Variants in LTBP1 observed in about 807,000 individuals in gnomAD.
LTBP1 encodes latent transforming growth factor beta binding protein 1.
In LTBP1, 129 loss-of-function variants were observed where a neutral mutation model predicts 207.6. That is an observed-to-expected ratio of 0.62 (90% CI 0.54 to 0.72). LTBP1 has a LOEUF of 0.72. Among genes scored for constraint, LTBP1 ranks in the 30% least tolerant of loss-of-function variants. The pLI is 0.00. For synonymous variants in LTBP1, 963 were observed against 833.7 expected, an observed-to-expected ratio of 1.16 and a Z score of -2.67; for missense variants, 2,281 against 2,217.2, an observed-to-expected ratio of 1.03 and a Z score of -0.58.
At position 33,170,448 on chromosome 2, in the gene LTBP1, G is replaced by A. The variant is rs866541870; in HGVS notation, c.1202-16408G>A. 2.7e-3 allele frequency among the ~76,000 whole-genome samples: 415 copies of A among 152,310 alleles called. 2 individuals are homozygous for A. The highest frequency in any genetic ancestry group is 0.024 in the Middle Eastern group (7 of 294). On this transcript the variant is annotated intron_variant, in intron 5 of 33. Transcript: ENST00000404816. Reference sequence around the variant, plus strand: ...AAACTGCAAGGCCGCGGCCAGGCTGGGGGAGGGGCGCCCGCCATTGCCCAG... The same window carrying A: ...AAACTGCAAGGCCGCGGCCAGGCTGAGGGAGGGGCGCCCGCCATTGCCCAG...
At chr2:33,335,530 T>C (rs900141232) in intron 24 of LTBP1, among the ~76,000 whole-genome samples, 2 of 152,222 alleles carry the variant, frequency 1.3e-5, no homozygotes, top group African/African-American at 4.8e-5. Flanking sequence ...TTCCATATCC[T>C]ATTGTATTGC....
At chr2:33,057,579 A>T (rs935064583) in intron 3 of LTBP1, among the ~76,000 whole-genome samples, 1 of 152,196 alleles carries the variant, frequency 6.6e-6, no homozygotes, top group Non-Finnish European at 1.5e-5. Flanking sequence ...CCCCACAGGG[A>T]GGCAGCTAAG....
chr2:33,116,463 C>T (rs75760897), intron 4 of LTBP1, among the ~76,000 whole-genome samples: 1,567 of 152,208 alleles, frequency 0.01, 18 homozygotes, highest in East Asian at 0.016. Flanking sequence ...ATAGCTCTGG[C>T]TCTTAAAAAA....
In LTBP1 at chr2:33,262,837, C is replaced by G; in HGVS notation, c.2518+16C>G. On this transcript the variant is annotated intron_variant, in intron 14 of 33. Coordinates refer to ENST00000404816, the MANE Select transcript of LTBP1 (RefSeq NM_206943.4). ...CAGTTTCCAGGTAGCCTGTGTTGAT[C>G]TGTGCTGTTTGTCAGAGTATTCTGA... 1.3e-6 allele frequency: 2 copies of G among 1,563,842 alleles called. No homozygotes were observed. The highest frequency in any genetic ancestry group is 1.7e-6 in the Non-Finnish European group (2 of 1,143,418).
chr2:33,355,150 T>G (rs1227116609), intron 26 of LTBP1, among the ~76,000 whole-genome samples: 2 of 152,072 alleles, frequency 1.3e-5, no homozygotes, highest in Non-Finnish European at 2.9e-5. Context: ...CAGGCCCTCA[T>G]GACGCCCGAG....
intron 4 of LTBP1, among the ~76,000 whole-genome samples, chr2:33,127,390 C>T (rs2081496107): frequency 6.6e-6 from 1 of 152,164 alleles, no homozygotes; most frequent in Non-Finnish European, 1.5e-5. Context: ...TGACTTCCAG[C>T]TATCAGTTGT....
chr2:33,081,904 T>A (rs1021158326), intron 3 of LTBP1, among the ~76,000 whole-genome samples: 1 of 152,180 alleles, frequency 6.6e-6, no homozygotes, highest in African/African-American at 2.4e-5. Flanking sequence ...AGAAGGATGT[T>A]TTTGCTTCCC....
intron 3 of LTBP1, among the ~76,000 whole-genome samples, chr2:33,082,880 G>C (rs1184038094): frequency 6.6e-6 from 1 of 152,012 alleles, no homozygotes; most frequent in Admixed American, 6.6e-5. Context: ...GTGGGCATCT[G>C]GTCCTCACTG....
intron 3 of LTBP1, among the ~76,000 whole-genome samples, chr2:33,101,798 G>GT (rs1344280930): frequency 5.3e-5 from 8 of 152,058 alleles, no homozygotes; most frequent in Admixed American, 3.9e-4. Context: ...GTAGTAGCTC[G>GT]TTTTTTGAGA....
chr2:32,968,308 G>A (rs964434988), intron 2 of LTBP1, among the ~76,000 whole-genome samples: 18 of 152,096 alleles, frequency 1.2e-4, no homozygotes, highest in African/African-American at 4.3e-4. Context: ...TCTGTCATTA[G>A]GTGCGTACAC....
intron 7 of LTBP1, among the ~76,000 whole-genome samples, chr2:33,205,180 C>T (rs887464180): frequency 6.6e-6 from 1 of 152,208 alleles, no homozygotes; most frequent in African/African-American, 2.4e-5. Flanking sequence ...TTAGAAGACT[C>T]GTCTTTAGTA....
At chr2:33,319,880 C>G (rs2094328478) in intron 24 of LTBP1, among the ~76,000 whole-genome samples, 1 of 152,156 alleles carries the variant, frequency 6.6e-6, no homozygotes, top group South Asian at 2.1e-4. Flanking sequence ...GCCTCCAAAC[C>G]ATGGCCAAAA....
intron 3 of LTBP1, among the ~76,000 whole-genome samples, chr2:33,073,510 C>T (rs1244141563): frequency 6.6e-6 from 1 of 152,128 alleles, no homozygotes; most frequent in Non-Finnish European, 1.5e-5. Context: ...AGAAACCTAT[C>T]ATACATTTAT....
intron 7 of LTBP1, among the ~76,000 whole-genome samples, chr2:33,206,704 A>G (rs922177239): frequency 6.7e-6 from 1 of 150,046 alleles, no homozygotes; most frequent in African/African-American, 2.5e-5. Flanking sequence ...GTGCCACTGC[A>G]CTCCAGCCTG....
At chr2:33,023,235 C>T (rs534070903) in intron 3 of LTBP1, among the ~76,000 whole-genome samples, 84 of 152,304 alleles carry the variant, frequency 5.5e-4, no homozygotes, top group Non-Finnish European at 9.1e-4. Flanking sequence ...TTATGACTTA[C>T]ATAAACTGTA....
chr2:33,243,577 G>GA, intron 9 of LTBP1, 85 bp from the exon 10 acceptor site: 1 of 1,279,542 alleles, frequency 7.8e-7, no homozygotes, highest in Non-Finnish European at 1.1e-6. Context: ...TTACTATAGT[G>GA]AAAAAGGAAG....
chr2:33,253,399 C>T (rs183421241), intron 11 of LTBP1, among the ~76,000 whole-genome samples: 29 of 152,230 alleles, frequency 1.9e-4, no homozygotes, highest in Admixed American at 9.2e-4. Flanking sequence ...TATTCTTTAT[C>T]CTTCAATTTG....
chr2:33,187,071 G>T lies in LTBP1; in HGVS notation c.1417G>T (p.Gly473Ter). 6.2e-7 allele frequency: 1 copy of T among 1,613,810 alleles called. No homozygotes were observed. Among genetic ancestry groups the T allele is most frequent in the South Asian group, 1.1e-5 (1 of 91,058 alleles). ...GCCTCTGACCGTGACTAGCCAGCAA[G>T]GAGTCAAAGGTAAGCTTTTTTCATT... ...TLPLTVTSQQ[G>*]VKVKFPPNIV... Residue 473 changes from glycine to a stop codon, truncating the protein, a stop_gained, in exon 6 of 34, where the codon GGA becomes TGA. Coordinates refer to ENST00000404816, the MANE Select transcript of LTBP1 (RefSeq NM_206943.4). LOFTEE classifies it high-confidence loss of function.
chr2:33,382,570 TG>T (rs1278843745), intron 31 of LTBP1, among the ~76,000 whole-genome samples: 2 of 152,188 alleles, frequency 1.3e-5, no homozygotes, highest in African/African-American at 4.8e-5. Flanking sequence ...GATAAGTTAT[TG>T]CATGTGCCCT....
Sources: gnomAD v4.1 joint callset for allele counts (sites outside exome capture counted in the v4.1 genomes callset) on GRCh38, gnomAD v4.1.1 for gene constraint, MANE v1.5 for transcripts, NCBI Gene and HGNC (gene_info 2026-07-23, HGNC 2026-07-21) for gene names.